SLC4A5: variants seen among roughly 807,000 people sequenced by gnomAD.
SLC4A5 encodes solute carrier family 4 member 5.
SLC4A5 carries 96 observed loss-of-function variants against 120.4 expected under a neutral mutation model. The observed-to-expected ratio is 0.80, with a 90% CI of 0.68 to 0.94. The LOEUF is 0.94. SLC4A5 is among the 40% of genes least tolerant of loss of function. SLC4A5 has a pLI of 0.00. For missense variants in SLC4A5, 1,259 were observed against 1,459.5 expected, an observed-to-expected ratio of 0.86 and a Z score of 2.24; for synonymous variants, 550 against 571.1, an observed-to-expected ratio of 0.96 and a Z score of 0.53.
At chr2:74,340,381 G>T (rs1164910453) in intron 2 of SLC4A5, among the ~76,000 whole-genome samples, 1 of 152,202 alleles carries the variant, frequency 6.6e-6, no homozygotes, top group Admixed American at 6.5e-5. Flanking sequence ...TGCTAGGCAG[G>T]CCTGCTCTGC....
chr2:74,282,685 G>A (rs896547359), intron 8 of SLC4A5, among the ~76,000 whole-genome samples: 6 of 152,242 alleles, frequency 3.9e-5, no homozygotes, highest in Non-Finnish European at 8.8e-5. Flanking sequence ...TTTGCCTTTG[G>A]TGATAGTCAG....
intron 6 of SLC4A5, among the ~76,000 whole-genome samples, chr2:74,313,862 G>A (rs1672883520): frequency 6.6e-6 from 1 of 152,136 alleles, no homozygotes; most frequent in South Asian, 2.1e-4. Flanking sequence ...AAAAGAAGCA[G>A]GTATATCAGA....
At chr2:74,289,019 T>TGCCA (rs1359540475) in intron 7 of SLC4A5, among the ~76,000 whole-genome samples, 1 of 152,244 alleles carries the variant, frequency 6.6e-6, no homozygotes, top group Non-Finnish European at 1.5e-5. Flanking sequence ...CCCCACCCAT[T>TGCCA]GCCACCATCT....
At chr2:74,327,536 A>AAAAC (rs1474839937) in intron 5 of SLC4A5, among the ~76,000 whole-genome samples, 1 of 152,244 alleles carries the variant, frequency 6.6e-6, no homozygotes, top group Non-Finnish European at 1.5e-5. Context: ...GAGAAAGGAC[A>AAAAC]AAACAAACAA....
At chr2:74,323,077 TA>T (rs1296903572) in intron 5 of SLC4A5, among the ~76,000 whole-genome samples, 1 of 152,018 alleles carries the variant, frequency 6.6e-6, no homozygotes, top group Admixed American at 6.6e-5. Context: ...CGTCTCTTAT[TA>T]AAAATACAAA....
rs190083190 is a variant in SLC4A5 at position 74,233,670 on chromosome 2, C to T, written c.2434-107G>A. ...CCTCAACTTTCCCTGACTTTGGGTACTTTTCAAGTGCAATCTTTTCCCTTA... is the reference window on the plus strand; with the variant it reads ...CCTCAACTTTCCCTGACTTTGGGTATTTTTCAAGTGCAATCTTTTCCCTTA... On this transcript the variant is annotated intron_variant, in intron 22 of 30. Coordinates refer to ENST00000394019, the Ensembl canonical transcript of SLC4A5. 2.2e-5 allele frequency: 30 copies of T among 1,333,464 alleles called. No homozygotes were observed. The African/African-American group carries it at 2.8e-4, about 12-fold the overall frequency. The allele number at this position is 1,333,464 out of a possible 1,614,324, so 82.6% of individuals were successfully genotyped here.
At chr2:74,242,778 G>A (rs936098382) in intron 19 of SLC4A5, among the ~76,000 whole-genome samples, 25 of 152,206 alleles carry the variant, frequency 1.6e-4, no homozygotes, top group African/African-American at 5.1e-4. Flanking sequence ...TCACCCTCCC[G>A]AGTAGCTGGG....
intron 6 of SLC4A5, among the ~76,000 whole-genome samples, chr2:74,310,143 A>G (rs1672763539): frequency 1.3e-5 from 2 of 152,194 alleles, no homozygotes; most frequent in Non-Finnish European, 1.5e-5. Flanking sequence ...TTTGTATCCT[A>G]AGACTTTACA....
chr2:74,241,741 CAA>C (rs367922236), intron 20 of SLC4A5, among the ~76,000 whole-genome samples: 13 of 97,388 alleles, frequency 1.3e-4, no homozygotes, highest in Non-Finnish European at 1.4e-4. Flanking sequence ...GACCCTGTCT[CAA>C]AAAAAAAAAA....
exon 10 of SLC4A5, chr2:74,264,288 C>T: frequency 6.2e-7 from 1 of 1,613,828 alleles, no homozygotes; most frequent in Non-Finnish European, 8.5e-7. Flanking sequence ...ATCTGCTTCT[C>T]AATGACATCA....
At chr2:74,285,714 G>C (rs760914142) in intron 8 of SLC4A5, 59 bp downstream of exon 8, 2 of 1,587,052 alleles carry the variant, frequency 1.3e-6, no homozygotes, top group Non-Finnish European at 1.7e-6. Context: ...AGGAGGGTCA[G>C]GCAAGCCCAG....
At chr2:74,220,180 T>C (rs563753756) in intron 30 of SLC4A5, among the ~76,000 whole-genome samples, 33 of 152,348 alleles carry the variant, frequency 2.2e-4, no homozygotes, top group Admixed American at 3.9e-4. Flanking sequence ...GCCTCTAAAT[T>C]CATCTTTTCT....
intron 7 of SLC4A5, among the ~76,000 whole-genome samples, chr2:74,303,877 T>G (rs973654630): frequency 1.4e-4 from 20 of 147,374 alleles, no homozygotes; most frequent in Non-Finnish European, 1.0e-4. Context: ...TGAGACGGAG[T>G]CTCGCTCTGT....
chr2:74,302,936 A>G (rs949453515), intron 7 of SLC4A5, among the ~76,000 whole-genome samples: 5 of 152,162 alleles, frequency 3.3e-5, no homozygotes, highest in Non-Finnish European at 7.3e-5. Flanking sequence ...TGAGGCATCC[A>G]GAACCCACAC....
At chr2:74,325,924 A>C (rs1673207252) in intron 5 of SLC4A5, among the ~76,000 whole-genome samples, 1 of 149,656 alleles carries the variant, frequency 6.7e-6, no homozygotes, top group South Asian at 2.2e-4. Flanking sequence ...AAAGGAAAGG[A>C]GGGGAGGAGG....
chr2:74,229,771 G>A (rs193081578), intron 25 of SLC4A5, among the ~76,000 whole-genome samples: 3 of 152,256 alleles, frequency 2.0e-5, no homozygotes, highest in East Asian at 3.9e-4. Flanking sequence ...CTTACTGCTC[G>A]GGTATGCCCA....
intron 3 of SLC4A5, among the ~76,000 whole-genome samples, chr2:74,338,145 G>A (rs919557893): frequency 6.6e-6 from 1 of 152,160 alleles, no homozygotes; most frequent in Non-Finnish European, 1.5e-5. Flanking sequence ...CAGAGATGGA[G>A]CAGCTAAGGA....
chr2:74,249,250 C>T (rs928031173), intron 17 of SLC4A5, among the ~76,000 whole-genome samples: 8 of 152,060 alleles, frequency 5.3e-5, no homozygotes, highest in African/African-American at 1.2e-4. Flanking sequence ...CACAGGAGCA[C>T]GCAGTAGAGG....
intron 21 of SLC4A5, 41 bp downstream of exon 21, chr2:74,239,294 G>C: frequency 6.3e-7 from 1 of 1,593,866 alleles, no homozygotes. Flanking sequence ...CTCAGCAGCT[G>C]TCTGACTGCA....
Sources: gnomAD v4.1 joint callset for allele counts (sites outside exome capture counted in the v4.1 genomes callset) on GRCh38, gnomAD v4.1.1 for gene constraint, MANE v1.5 for transcripts, NCBI Gene and HGNC (gene_info 2026-07-23, HGNC 2026-07-21) for gene names.